The following PRRT1 variants were observed in gnomAD, a reference collection of about 807,000 sequenced individuals.
The protein encoded by PRRT1 is proline rich transmembrane protein 1, also known as proline-rich transmembrane protein 1.
A neutral mutation model predicts 22.6 loss-of-function variants in PRRT1; 8 were observed. The observed-to-expected ratio is 0.35, with a 90% CI of 0.21 to 0.64. The LOEUF (loss-of-function observed/expected upper bound fraction) is 0.64, where lower values mean the gene tolerates loss of function less well. Among genes scored for constraint, PRRT1 ranks in the 30% least tolerant of loss-of-function variants. The pLI, the probability that PRRT1 is intolerant of heterozygous loss-of-function variation, is 0.69. For missense variants in PRRT1, 315 were observed against 444.5 expected (o/e 0.71, Z 2.62); for synonymous variants, 176 against 203.6 (o/e 0.86, Z 1.15).
At chr6:32,151,207 CT>C in intron 1 of PRRT1, 1 of 641,972 alleles carries the variant, frequency 1.6e-6, no homozygotes, top group South Asian at 1.7e-5. Context: ...ATCCCCTCTC[CT>C]TTGCTATAGC....
rs1783302000 is a variant in PRRT1, at chr6:32,151,790, G to A, written c.19+19C>T. ...CTGGAGACAGTGGAGGGGGTGGGAG[G>A]TTTTGTTATTGTTTTTACCTGACTT... is the stretch of plus-strand genomic sequence containing the variant. On this transcript the variant is annotated intron_variant, in intron 1 of 3. Coordinates refer to ENST00000211413, the MANE Select transcript of PRRT1 (RefSeq NM_030651.4). The A allele has an allele frequency of 6.2e-7, 1 of 1,601,276 alleles. No homozygotes were observed. Among genetic ancestry groups the A allele is most frequent in the East Asian group, 2.2e-5 (1 of 44,736 alleles).
At chr6:32,151,951 C>CAGGGGGGGGGGGGG, upstream of PRRT1, 1 of 214,888 alleles carries the variant, frequency 4.7e-6, no homozygotes, top group Non-Finnish European at 8.4e-6. Flanking sequence ...AAGGCAGCGG[C>CAGGGGGGGGGGGGG]GGGGGGGGGG....
Position 32,150,344 on chromosome 6 carries a change from T to A in PRRT1, c.558+24A>T, listed in dbSNP as rs374220848. 14 of 1,548,592 alleles carry A rather than the reference T, an allele frequency of 9.0e-6. No homozygotes were observed. Among genetic ancestry groups the A allele is most frequent in the Non-Finnish European group, 6.1e-6 (7 of 1,155,326 alleles). On this transcript the variant is annotated intron_variant, in intron 2 of 3. Coordinates refer to ENST00000211413, the MANE Select transcript of PRRT1 (RefSeq NM_030651.4). This position sits in a 1 kb window ranked among gnomAD's most constrained non-coding sequence, Gnocchi z 7.2. ...CTGTATCGCGTCCCCCTCTTTCCCA[T>A]GTCCCTGTCTGCCCGGCACTCACCG...
Position 32,150,970 on chromosome 6 carries a change from G to T in PRRT1, c.20-64C>A, listed in dbSNP as rs547238220. The T allele has an allele frequency of 2.5e-5, 34 of 1,344,320 alleles. No homozygotes were observed. The Admixed American group carries it at 6.5e-4, about 26-fold the overall frequency. The allele number at this position is 1,344,320 out of a possible 1,614,324, so 83.3% of individuals were successfully genotyped here. ...TGACACAGTGATGAGTTGAGGAGGG[G>T]GTAAGGGGAAACACAGCCGGTCAGG... On this transcript the variant is annotated intron_variant, in intron 1 of 3. Transcript: ENST00000211413. The surrounding 1 kb of genome is among the most constrained non-coding windows in gnomAD (Gnocchi z 7.2).
In PRRT1 at chr6:32,149,872, A is replaced by G. The variant is rs1582584467; in HGVS notation, c.559-150T>C. The G allele has an allele frequency of 3.4e-6, 2 of 593,102 alleles. No homozygotes were observed. The highest frequency in any genetic ancestry group is 1.9e-5 in the African/African-American group (1 of 53,494). The allele number at this position is 593,102 out of a possible 1,614,324, so 36.7% of individuals were successfully genotyped here. On this transcript the variant is annotated intron_variant, in intron 2 of 3. Coordinates refer to ENST00000211413, the MANE Select transcript of PRRT1 (RefSeq NM_030651.4). The surrounding 1 kb of genome is among the most constrained non-coding windows in gnomAD (Gnocchi z 8.7). ...CCCATTACCCTTCCAGGACACCCAT[A>G]AATTCCACCTAAGCCCCTCTCCTCC...
chr6:32,148,692 A>C lies in PRRT1; in HGVS notation c.*530T>G. On this transcript the variant is annotated 3_prime_UTR_variant, in exon 4 of 4. Transcript: ENST00000211413. The surrounding 1 kb of genome is among the most constrained non-coding windows in gnomAD (Gnocchi z 5.7). ...GAGGGACAAAAATGTACTTGCAAAA[A>C]ACAGGAGTGTGGGGGCCTTACTACC... 2.4e-6 allele frequency: 1 copy of C among 414,298 alleles called. No homozygotes were observed. Among genetic ancestry groups the C allele is most frequent in the Non-Finnish European group, 4.9e-6 (1 of 205,260 alleles). 25.7% of individuals were successfully genotyped at this position (414,298 alleles called of 1,614,324 possible).
upstream of PRRT1, chr6:32,152,191 AAGG>A: frequency 6.4e-6 from 4 of 624,926 alleles, no homozygotes; most frequent in South Asian, 4.5e-5. Context: ...GAAAGGAAGG[AAGG>A]AGAACTCTCT....
Position 32,148,800 on chromosome 6 carries a change from G to C in PRRT1, c.*422C>G. On this transcript the variant is annotated 3_prime_UTR_variant, in exon 4 of 4. Coordinates refer to ENST00000211413, the MANE Select transcript of PRRT1 (RefSeq NM_030651.4). The surrounding 1 kb of genome is among the most constrained non-coding windows in gnomAD (Gnocchi z 5.7). ...GCCTGGAGCCACAAACCCAATCACT[G>C]GACTGAATCACCCCGCGGAGAAGAA... 2.1e-6 allele frequency: 1 copy of C among 485,166 alleles called. No individual in the cohort carries two copies. Among genetic ancestry groups the C allele is most frequent in the Non-Finnish European group, 4.1e-6 (1 of 246,292 alleles). 30.1% of individuals were successfully genotyped at this position (485,166 alleles called of 1,614,324 possible).
Position 32,150,890 on chromosome 6 carries a change from G to T in PRRT1, c.36C>A (p.Val12=), listed in dbSNP as rs746707653. The change falls in exon 2 of 4, where the codon GTC becomes GTA. Residue 12 remains valine, a synonymous_variant. Coordinates refer to ENST00000211413, the MANE Select transcript of PRRT1 (RefSeq NM_030651.4). This position sits in a 1 kb window ranked among gnomAD's most constrained non-coding sequence, Gnocchi z 7.2. ...SSEKSGLPDS[V]PHTSPPPYNA... is the part of the protein sequence containing the mutation. ...TGTAGGGCGGCGGAGAAGTGTGAGG[G>T]ACTGAGTCTGGGAGTCCTGGGGGAG... is the stretch of plus-strand genomic sequence containing the variant. 3.8e-6 allele frequency: 6 copies of T among 1,580,318 alleles called. No individual in the cohort carries two copies. In the African/African-American group the frequency reaches 8.0e-5, roughly 21 times the overall value.
At position 32,150,524 on chromosome 6, in the gene PRRT1, C is replaced by T; in HGVS notation, c.402G>A (p.Pro134=). ...PPPPAAAAPP[P]PAPAQTAQAP... Reference sequence around the variant, plus strand: ...CCTGGGCAGTCTGGGCTGGCGCCGGCGGGGGCGGGGCGGCGGCAGCGGGCG... The same window carrying T: ...CCTGGGCAGTCTGGGCTGGCGCCGGTGGGGGCGGGGCGGCGGCAGCGGGCG... Residue 134 remains proline (P), a synonymous_variant, in exon 2 of 4, where the codon CCG becomes CCA. Transcript: ENST00000211413. The surrounding 1 kb of genome is among the most constrained non-coding windows in gnomAD (Gnocchi z 7.2). 1 of 1,378,732 alleles carries T rather than the reference C, an allele frequency of 7.3e-7. No homozygotes were observed. Among genetic ancestry groups the T allele is most frequent in the East Asian group, 3.0e-5 (1 of 33,350 alleles). The allele number at this position is 1,378,732 out of a possible 1,614,324, so 85.4% of individuals were successfully genotyped here. A position where few individuals can be genotyped will look rare whatever the true frequency, so the allele number is the denominator to read the frequency against.
chr6:32,151,951 CGGGGGGGGGGGGCGG>C (rs1274883998), upstream of PRRT1: 1 of 200,628 alleles, frequency 5.0e-6, no homozygotes, highest in Non-Finnish European at 9.0e-6. Flanking sequence ...AAGGCAGCGG[CGGGGGGGGGGGGCGG>C]GGGGGGCGGG....
rs1057274814 is a variant in PRRT1, at chr6:32,148,976, C to T, written c.*246G>A. ...GAGGGGGCCTGGAGCGACTGAGGGT[C>T]CGGCGTTTGGCCGGGATCCCGGAAA... On this transcript the variant is annotated 3_prime_UTR_variant, in exon 4 of 4. Coordinates refer to ENST00000211413, the MANE Select transcript of PRRT1 (RefSeq NM_030651.4). The surrounding 1 kb of genome is among the most constrained non-coding windows in gnomAD (Gnocchi z 5.7). 4.3e-6 allele frequency: 3 copies of T among 698,286 alleles called. No individual in the cohort carries two copies. Among genetic ancestry groups the T allele is most frequent in the Non-Finnish European group, 7.8e-6 (3 of 382,762 alleles). 43.3% of individuals were successfully genotyped at this position (698,286 alleles called of 1,614,324 possible). A position where few individuals can be genotyped will look rare whatever the true frequency, so the allele number is the denominator to read the frequency against.
At position 32,150,994 on chromosome 6, in the gene PRRT1, G is replaced by A. The variant is rs1366855666; in HGVS notation, c.20-88C>T. 1 of 1,073,036 alleles carries A rather than the reference G, an allele frequency of 9.3e-7. No homozygotes were observed. The highest frequency in any genetic ancestry group is 1.6e-5 in the African/African-American group (1 of 64,338). 66.5% of individuals were successfully genotyped at this position (1,073,036 alleles called of 1,614,324 possible). A position where few individuals can be genotyped will look rare whatever the true frequency, so the allele number is the denominator to read the frequency against. On this transcript the variant is annotated intron_variant, in intron 1 of 3. Transcript: ENST00000211413. The surrounding 1 kb of genome is among the most constrained non-coding windows in gnomAD (Gnocchi z 7.2). Reference sequence around the variant, plus strand: ...GGGTAAGGGGAAACACAGCCGGTCAGGGATGGAGAAAGATAATGGGAGAGA... The same window carrying A: ...GGGTAAGGGGAAACACAGCCGGTCAAGGATGGAGAAAGATAATGGGAGAGA...
In PRRT1 at chr6:32,149,745, C is replaced by A. The variant is rs2127377198; in HGVS notation, c.559-23G>T. ...TGGCTGTGGAAGGAAATTTGGGGGGCAGGGGCATCACTCTGACCCTCTCCC... is the reference window on the plus strand; with the variant it reads ...TGGCTGTGGAAGGAAATTTGGGGGGAAGGGGCATCACTCTGACCCTCTCCC... On this transcript the variant is annotated intron_variant, in intron 2 of 3. Transcript: ENST00000211413. The surrounding 1 kb of genome is among the most constrained non-coding windows in gnomAD (Gnocchi z 8.7). 6.7e-7 allele frequency: 1 copy of A among 1,494,310 alleles called. No homozygotes were observed. Among genetic ancestry groups the A allele is most frequent in the Admixed American group, 2.0e-5 (1 of 48,910 alleles). The allele number at this position is 1,494,310 out of a possible 1,614,324, so 92.6% of individuals were successfully genotyped here.
At chr6:32,151,046 C>T (rs1258334188) in intron 1 of PRRT1, 140 bp from the exon 2 acceptor site, 1 of 782,094 alleles carries the variant, frequency 1.3e-6, no homozygotes, top group Non-Finnish European at 2.2e-6. Flanking sequence ...GGTGAGAAAC[C>T]ATCTCTAATT....
At chr6:32,152,000 G>GGGGGGA, upstream of PRRT1, 2 of 350,432 alleles carry the variant, frequency 5.7e-6, no homozygotes, top group Admixed American at 3.0e-5. Flanking sequence ...GGGAGGGGGG[G>GGGGGGA]AGCTTAAAGG....
At chr6:32,151,968 G>GGGGGGGGGGGT, upstream of PRRT1, 1 of 291,794 alleles carries the variant, frequency 3.4e-6, no homozygotes, top group South Asian at 2.3e-5. Flanking sequence ...GGGGGGCGGG[G>GGGGGGGGGGGT]GGGGCGGGCG....
Position 32,149,138 on chromosome 6 carries a change from G to T in PRRT1, c.*84C>A. On this transcript the variant is annotated 3_prime_UTR_variant, in exon 4 of 4. Coordinates refer to ENST00000211413, the MANE Select transcript of PRRT1 (RefSeq NM_030651.4). The surrounding 1 kb of genome is among the most constrained non-coding windows in gnomAD (Gnocchi z 8.7). The stretch of plus-strand genomic sequence containing the variant: ...TGACGGCCCCAGAAACGGGTGTGCA[G>T]GGCGCCCATTGGGTCCGCGGTATGA... 7.1e-7 allele frequency: 1 copy of T among 1,412,412 alleles called. No individual in the cohort carries two copies. The highest frequency in any genetic ancestry group is 9.9e-7 in the Non-Finnish European group (1 of 1,011,930). The allele number at this position is 1,412,412 out of a possible 1,614,324, so 87.5% of individuals were successfully genotyped here.
Position 32,148,895 on chromosome 6 carries a change from G to A in PRRT1, c.*327C>T. 1.6e-6 allele frequency: 1 copy of A among 623,748 alleles called. No individual in the cohort carries two copies. The highest frequency in any genetic ancestry group is 3.0e-6 in the Non-Finnish European group (1 of 334,896). 38.6% of individuals were successfully genotyped at this position (623,748 alleles called of 1,614,324 possible). ...CTGGGGCGGTGCTTATAGAGGAGGC[G>A]GGGTTTTAGGGACCAAACCGAGGTT... On this transcript the variant is annotated 3_prime_UTR_variant, in exon 4 of 4. Transcript: ENST00000211413. The surrounding 1 kb of genome is among the most constrained non-coding windows in gnomAD (Gnocchi z 5.7).
Sources: allele counts gnomAD v4.1 joint callset, GRCh38; gene constraint gnomAD v4.1.1; non-coding constraint Gnocchi (gnomAD v3.1); transcripts MANE v1.5; gene names NCBI Gene and HGNC (gene_info 2026-07-23, HGNC 2026-07-21).